CCDC102B: variants seen among roughly 807,000 people sequenced by gnomAD.
The protein encoded by CCDC102B is coiled-coil domain-containing protein 102B.
A neutral mutation model predicts 57.4 loss-of-function variants in CCDC102B; 75 were observed. That is an observed-to-expected ratio of 1.31 (90% CI 1.08 to 1.58). CCDC102B has a LOEUF of 1.58. CCDC102B is among the 40% of genes most tolerant of loss of function. The pLI, the probability that CCDC102B is intolerant of heterozygous loss-of-function variation, is 0.00. For missense variants in CCDC102B, 636 were observed against 582.6 expected (o/e 1.09, Z -0.94); for synonymous variants, 206 against 201.9 (o/e 1.02, Z -0.17).
intron 5 of CCDC102B, among the ~76,000 whole-genome samples, chr18:68,886,928 G>A (rs530412532): frequency 9.9e-5 from 15 of 152,014 alleles, no homozygotes; most frequent in African/African-American, 3.4e-4. Flanking sequence ...GACATTTAGA[G>A]TTCAAGGCTT....
intron 5 of CCDC102B, among the ~76,000 whole-genome samples, chr18:68,885,368 A>G (rs2039846237): frequency 6.6e-6 from 1 of 152,068 alleles, no homozygotes; most frequent in African/African-American, 2.4e-5. Context: ...TTCCAAATGA[A>G]GGTCATGATG....
rs1253650388 is a variant in CCDC102B at position 68,812,804 on chromosome 18, CAGGAAT to C, written c.-16+14624_-16+14629del. On this transcript the variant is annotated intron_variant, in intron 1 of 7. Transcript: ENST00000360242. ...ACATTCCTTCTGAAGAATTAACATA[CAGGAAT>C]TGAGTACTGACATCCTAGGGAAGTT... Among the ~76,000 whole-genome samples, 4 of 152,216 alleles carry C rather than the reference CAGGAAT, an allele frequency of 2.6e-5. No individual in the cohort carries two copies. The East Asian group carries it at 7.7e-4, about 29-fold the overall frequency.
At chr18:68,954,569 T>C (rs1343183165) in intron 6 of CCDC102B, among the ~76,000 whole-genome samples, 1 of 152,226 alleles carries the variant, frequency 6.6e-6, no homozygotes, top group Non-Finnish European at 1.5e-5. Context: ...ATTGAATGGA[T>C]ATAAAAATGC....
At chr18:68,889,741 A>C (rs1417142888) in intron 5 of CCDC102B, among the ~76,000 whole-genome samples, 1 of 152,022 alleles carries the variant, frequency 6.6e-6, no homozygotes, top group Non-Finnish European at 1.5e-5. Context: ...GCCCGGCCAA[A>C]TTAGTGTTGT....
chr18:68,881,407 A>T (rs568245672), intron 5 of CCDC102B, among the ~76,000 whole-genome samples: 51 of 152,340 alleles, frequency 3.3e-4, no homozygotes, highest in African/African-American at 1.2e-3. Flanking sequence ...ATTTTATAAG[A>T]TAATGTGATT....
At chr18:68,788,396 G>A (rs963354339) in intron 2 of CCDC102B, among the ~76,000 whole-genome samples, 1 of 148,878 alleles carries the variant, frequency 6.7e-6, no homozygotes, top group African/African-American at 2.5e-5. Context: ...TTGACTTTCT[G>A]TCTCGTTGAT....
At chr18:68,980,650 T>G (rs1247701916) in intron 6 of CCDC102B, among the ~76,000 whole-genome samples, 3 of 151,976 alleles carry the variant, frequency 2.0e-5, no homozygotes, top group African/African-American at 7.2e-5. Flanking sequence ...GAGCAAAGAT[T>G]GGTAGGAGGT....
At chr18:68,928,094 C>T (rs539830686) in intron 6 of CCDC102B, among the ~76,000 whole-genome samples, 4 of 151,984 alleles carry the variant, frequency 2.6e-5, no homozygotes, top group African/African-American at 7.2e-5. Context: ...TCATTTTCCT[C>T]ATTTGTAAAG....
At chr18:68,967,565 A>T (rs2050196486) in intron 6 of CCDC102B, among the ~76,000 whole-genome samples, 1 of 152,174 alleles carries the variant, frequency 6.6e-6, no homozygotes, top group South Asian at 2.1e-4. Context: ...CATGTTAGAC[A>T]CTTACTGTGT....
rs149970982 is a variant in CCDC102B at position 68,852,544 on chromosome 18, C to T, written c.936+6123C>T. ...TATAATTCCTACACACCATTTCATT[C>T]ATGTGGAGTCAACATAGCACTTTGG... On this transcript the variant is annotated intron_variant, in intron 4 of 7. Transcript: ENST00000360242. Among the ~76,000 whole-genome samples the T allele has an allele frequency of 2.8e-3, 423 of 152,230 alleles. 3 individuals are homozygous for T. Among genetic ancestry groups the T allele is most frequent in the Middle Eastern group, 6.8e-3 (2 of 294 alleles).
intron 6 of CCDC102B, among the ~76,000 whole-genome samples, chr18:68,912,350 G>T (rs1250991746): frequency 1.3e-5 from 2 of 152,184 alleles, no homozygotes; most frequent in Non-Finnish European, 2.9e-5. Flanking sequence ...TTCAAACTCT[G>T]TTTAATGCTT....
intron 1 of CCDC102B, among the ~76,000 whole-genome samples, chr18:68,829,876 A>G (rs912175959): frequency 1.3e-5 from 2 of 152,018 alleles, no homozygotes; most frequent in Non-Finnish European, 2.9e-5. Flanking sequence ...ATTCAGTATT[A>G]AAGAAAATCT....
intron 4 of CCDC102B, among the ~76,000 whole-genome samples, chr18:68,870,923 T>C (rs2039216105): frequency 6.6e-6 from 1 of 152,196 alleles, no homozygotes. Context: ...TTTTCTACCA[T>C]ATATGAATAA....
intron 5 of CCDC102B, among the ~76,000 whole-genome samples, chr18:68,886,208 C>G (rs185655799): frequency 2.8e-4 from 43 of 151,964 alleles, no homozygotes; most frequent in African/African-American, 1.0e-3. Flanking sequence ...GCTTATCTCA[C>G]TGGATATTCT....
chr18:68,783,599 C>G lies in CCDC102B; in HGVS notation c.-66-39767C>G, dbSNP rs114812061. ...CTACCAGATACTTTGGGAAGACTGA[C>G]TTTTACCTTGTTGACAGCCTTCTCT... is the stretch of plus-strand genomic sequence containing the variant. On this transcript the variant is annotated intron_variant, in intron 2 of 3. Coordinates refer to the CCDC102B transcript ENST00000578970. Among the ~76,000 whole-genome samples the G allele has an allele frequency of 6.6e-3, 1,005 of 152,244 alleles. 10 individuals are homozygous for G. Among genetic ancestry groups the G allele is most frequent in the African/African-American group, 0.022 (901 of 41,558 alleles).
At chr18:69,057,659 T>C (rs1262636656), downstream of CCDC102B, among the ~76,000 whole-genome samples, 1 of 152,042 alleles carries the variant, frequency 6.6e-6, no homozygotes, top group Non-Finnish European at 1.5e-5. Context: ...TATGGCTTTA[T>C]GGAAGTAGCC....
At chr18:68,897,588 A>G (rs948044485) in intron 6 of CCDC102B, 160 bp downstream of exon 6, 2 of 1,576,924 alleles carry the variant, frequency 1.3e-6, no homozygotes, top group African/African-American at 2.7e-5. Flanking sequence ...GATGTAAAAT[A>G]ACGTTCATGC....
chr18:68,920,925 G>A (rs73463832), intron 6 of CCDC102B, among the ~76,000 whole-genome samples: 1 of 152,198 alleles, frequency 6.6e-6, no homozygotes, highest in African/African-American at 2.4e-5. Flanking sequence ...AACCATATCA[G>A]CAGGGCTGGT....
At chr18:68,770,742 A>G (rs1207468947) in intron 2 of CCDC102B, among the ~76,000 whole-genome samples, 1 of 152,246 alleles carries the variant, frequency 6.6e-6, no homozygotes, top group Non-Finnish European at 1.5e-5. Flanking sequence ...TTTTATTACA[A>G]GGAAGCCTGT....
Sources: allele counts gnomAD v4.1 joint callset (sites outside exome capture counted in the v4.1 genomes callset), GRCh38; gene constraint gnomAD v4.1.1; transcripts MANE v1.5; gene names NCBI Gene and HGNC (gene_info 2026-07-23, HGNC 2026-07-21).